CLHC1: variants seen among roughly 807,000 people sequenced by gnomAD.
CLHC1 encodes clathrin heavy chain linker domain-containing protein 1.
Under a neutral mutation model 69.5 loss-of-function variants are expected in CLHC1, and 72 were observed. That is an observed-to-expected ratio of 1.04 (90% CI 0.86 to 1.26). CLHC1 has a LOEUF of 1.26. Ranked by LOEUF, CLHC1 falls within the 50% of genes most tolerant of loss-of-function variation. The probability of loss-of-function intolerance (pLI) is 0.00; values close to 1 mark genes in which losing one functional copy is unlikely to be tolerated. For synonymous variants in CLHC1, 223 were observed against 224.3 expected, an observed-to-expected ratio of 0.99 and a Z score of 0.05; for missense variants, 790 against 679.3, an observed-to-expected ratio of 1.16 and a Z score of -1.81.
At chr2:55,207,649 T>G (rs1672576418) in intron 8 of CLHC1, among the ~76,000 whole-genome samples, 1 of 152,172 alleles carries the variant, frequency 6.6e-6, no homozygotes, top group African/African-American at 2.4e-5. Context: ...TCTTAAAGAA[T>G]ATAGTCTTAC....
chr2:55,191,092 G>C (rs1670882863), intron 9 of CLHC1, among the ~76,000 whole-genome samples: 1 of 152,106 alleles, frequency 6.6e-6, no homozygotes. Context: ...TACAGAAAAA[G>C]TCTATCTAGC....
chr2:55,206,207 A>T, intron 9 of CLHC1, 63 bp downstream of exon 9: 2 of 956,000 alleles, frequency 2.1e-6, no homozygotes, highest in Admixed American at 2.2e-5. Context: ...TGCTTTTTCT[A>T]TTTTATGAGA....
At chr2:55,229,292 T>C (rs781039031) in intron 1 of CLHC1, among the ~76,000 whole-genome samples, 1 of 152,022 alleles carries the variant, frequency 6.6e-6, no homozygotes, top group Non-Finnish European at 1.5e-5. Flanking sequence ...TACCATTTTC[T>C]ATAAGGGCAG....
At chr2:55,230,892 A>G (rs1675251108) in intron 1 of CLHC1, among the ~76,000 whole-genome samples, 1 of 152,188 alleles carries the variant, frequency 6.6e-6, no homozygotes, top group African/African-American at 2.4e-5. Flanking sequence ...GATTAGAGAC[A>G]ATATGTACAA....
intron 10 of CLHC1, among the ~76,000 whole-genome samples, 163 bp from the exon 11 acceptor site, chr2:55,180,875 C>T (rs552754273): frequency 6.6e-6 from 1 of 152,252 alleles, no homozygotes; most frequent in Non-Finnish European, 1.5e-5. Context: ...GAAATGATTA[C>T]TTGTCAATTT....
At chr2:55,203,624 C>A (rs1281750657) in intron 9 of CLHC1, among the ~76,000 whole-genome samples, 1 of 152,100 alleles carries the variant, frequency 6.6e-6, no homozygotes, top group African/African-American at 2.4e-5. Context: ...AAAAATGAAA[C>A]TAGGCCCCTA....
rs912007809 is a variant in CLHC1 at position 55,180,707 on chromosome 2, G to T, written c.1187C>A (p.Thr396Lys). ...VTNWVTQERL[T>K]FSEEAGDVIC... ...CACATCCCCAGCCTCCTCAGAAAAT[G>T]TCAGTCTAGAACAAGCAGATCAATA... The change falls in exon 11 of 13, where the codon ACA (threonine) becomes AAA (lysine). Residue 396 changes from threonine (T) to lysine (K), a missense_variant. Physicochemically the swap from Thr to Lys is moderately conservative, Grantham distance 78 (BLOSUM62 -1). Coordinates refer to ENST00000401408, the MANE Select transcript of CLHC1 (RefSeq NM_152385.4). 8 of 1,613,624 alleles carry T rather than the reference G, an allele frequency of 5.0e-6. No individual in the cohort carries two copies. Among genetic ancestry groups the T allele is most frequent in the Non-Finnish European group, 6.8e-6 (8 of 1,179,654 alleles).
intron 9 of CLHC1, among the ~76,000 whole-genome samples, chr2:55,184,873 C>G (rs1670274262): frequency 1.3e-5 from 2 of 150,620 alleles, no homozygotes; most frequent in East Asian, 3.9e-4. Flanking sequence ...CCACTGCACT[C>G]CAGCCTGGGT....
At chr2:55,224,344 G>T in intron 2 of CLHC1, 1 of 451,838 alleles carries the variant, frequency 2.2e-6, no homozygotes. Flanking sequence ...CGCCTTGACA[G>T]CTCCCTCCTG....
At chr2:55,179,066 C>A (rs1041477105) in intron 11 of CLHC1, among the ~76,000 whole-genome samples, 14 of 14,430 alleles carry the variant, frequency 9.7e-4, no homozygotes, top group Non-Finnish European at 1.4e-3. Flanking sequence ...GTGGCTGGGA[C>A]TACAGACCCA....
chr2:55,214,325 T>C (rs1673292566), intron 4 of CLHC1: 1 of 152,224 alleles, frequency 6.6e-6, no homozygotes, highest in African/African-American at 2.4e-5. Context: ...CTGACCAACA[T>C]GGTGAAACCC....
chr2:55,197,453 T>G (rs1181975408), intron 9 of CLHC1, among the ~76,000 whole-genome samples: 1 of 152,196 alleles, frequency 6.6e-6, no homozygotes, highest in Non-Finnish European at 1.5e-5. Flanking sequence ...GTGACCACAG[T>G]GGTGCTTGTG....
chr2:55,223,471 G>C (rs533370385), intron 2 of CLHC1, among the ~76,000 whole-genome samples: 23 of 152,212 alleles, frequency 1.5e-4, no homozygotes, highest in South Asian at 6.2e-4. Context: ...CGCAGCCTCA[G>C]GGCACCTCCC....
chr2:55,202,025 G>C (rs1171803509), intron 9 of CLHC1, among the ~76,000 whole-genome samples: 2 of 152,016 alleles, frequency 1.3e-5, no homozygotes, highest in African/African-American at 2.4e-5. Context: ...ACTAATAAAA[G>C]CCATATATGA....
In CLHC1 at chr2:55,223,805, T is replaced by A. The variant is rs1674414632; in HGVS notation, c.-82-1312A>T. 2.6e-5 allele frequency among the ~76,000 whole-genome samples: 4 copies of A among 151,892 alleles called. No homozygotes were observed. In the East Asian group the frequency reaches 7.8e-4, roughly 29 times the overall value. On this transcript the variant is annotated intron_variant, in intron 2 of 12. Coordinates refer to ENST00000401408, the MANE Select transcript of CLHC1 (RefSeq NM_152385.4). Reference sequence around the variant, plus strand: ...ACCCGCGATCGGATCGTAACTTTTTTTTTTTTTTGAGACGGAGTCTCGCTC... The same window carrying A: ...ACCCGCGATCGGATCGTAACTTTTTATTTTTTTTGAGACGGAGTCTCGCTC...
Position 55,209,838 on chromosome 2 carries a change from G to A in CLHC1, c.500-7C>T, listed in dbSNP as rs560433580. 1 of 1,587,528 alleles carries A rather than the reference G, an allele frequency of 6.3e-7. No individual in the cohort carries two copies. The highest frequency in any genetic ancestry group is 1.3e-5 in the African/African-American group (1 of 74,430). ...GATTCTTGAAGAGTCATGCCTATGG[G>A]GAAAGGGAACAAATCAAACACGACA... On this transcript the variant is annotated splice_region_variant and splice_polypyrimidine_tract_variant and intron_variant, in intron 5 of 12. Transcript: ENST00000401408.
Position 55,180,725 on chromosome 2 carries a change from G to T in CLHC1, c.1182-13C>A. ...AGAAAATGTCAGTCTAGAACAAGCA[G>T]ATCAATAAGACATATGTTAGAAAAT... On this transcript the variant is annotated splice_polypyrimidine_tract_variant and intron_variant, in intron 10 of 12. Transcript: ENST00000401408. 1.2e-6 allele frequency: 2 copies of T among 1,608,020 alleles called. No individual in the cohort carries two copies. Among genetic ancestry groups the T allele is most frequent in the South Asian group, 1.1e-5 (1 of 90,884 alleles).
intron 8 of CLHC1, chr2:55,206,677 A>C (rs1162316493): frequency 3.7e-6 from 1 of 273,926 alleles, no homozygotes; most frequent in African/African-American, 2.2e-5. Flanking sequence ...GGATGGAAGA[A>C]AGAACTTGAA....
intron 9 of CLHC1, among the ~76,000 whole-genome samples, chr2:55,204,397 C>T (rs1446344223): frequency 1.3e-5 from 2 of 152,130 alleles, no homozygotes; most frequent in Non-Finnish European, 2.9e-5. Context: ...ACATACAAAT[C>T]AAAACTACAA....
Sources: gnomAD v4.1 joint callset for allele counts (sites outside exome capture counted in the v4.1 genomes callset) on GRCh38, gnomAD v4.1.1 for gene constraint, MANE v1.5 for transcripts, NCBI Gene and HGNC (gene_info 2026-07-23, HGNC 2026-07-21) for gene names.